UBE2V1: variants seen among roughly 807,000 people sequenced by gnomAD.
The protein encoded by UBE2V1 is ubiquitin-conjugating enzyme E2 variant 1.
Under a neutral mutation model 19.6 loss-of-function variants are expected in UBE2V1, and 15 were observed. The observed-to-expected ratio is 0.77, with a 90% CI of 0.51 to 1.18. UBE2V1 has a LOEUF of 1.18. UBE2V1 is among the 50% of genes most tolerant of loss of function. The pLI is 0.00. For synonymous variants in UBE2V1, 60 were observed against 60.7 expected, an observed-to-expected ratio of 0.99 and a Z score of 0.05; for missense variants, 125 against 184.8, an observed-to-expected ratio of 0.68 and a Z score of 1.88.
chr20:50,087,379 T>C (rs889848721), intron 2 of UBE2V1, among the ~76,000 whole-genome samples: 7 of 142,204 alleles, frequency 4.9e-5, no homozygotes, highest in East Asian at 2.0e-4. Flanking sequence ...CTGGGTGACA[T>C]TGCGACACTT....
chr20:50,111,019 T>G (rs1313419525), intron 1 of UBE2V1, among the ~76,000 whole-genome samples: 1 of 152,230 alleles, frequency 6.6e-6, no homozygotes, highest in Non-Finnish European at 1.5e-5. Context: ...AATTGTCTTA[T>G]TTACTCCTTA....
At chr20:50,113,163 T>G (rs1182928402), upstream of UBE2V1, 19 of 1,294,124 alleles carry the variant, frequency 1.5e-5, no homozygotes, top group Non-Finnish European at 1.2e-5. Flanking sequence ...CGGCCCCTTC[T>G]TCACCCCCCC....
chr20:50,086,146 C>T (rs2078900945), intron 2 of UBE2V1, among the ~76,000 whole-genome samples: 1 of 152,196 alleles, frequency 6.6e-6, no homozygotes, highest in African/African-American at 2.4e-5. Flanking sequence ...CTGACCCGGG[C>T]AGCCCTAACT....
chr20:50,100,129 A>T (rs543713853), intron 1 of UBE2V1, among the ~76,000 whole-genome samples: 2 of 151,468 alleles, frequency 1.3e-5, no homozygotes, highest in South Asian at 4.2e-4. Context: ...AATAATAAAT[A>T]AATTAGCTGG....
intron 2 of UBE2V1, among the ~76,000 whole-genome samples, chr20:50,092,993 C>G (rs569696269): frequency 1.6e-4 from 25 of 152,356 alleles, no homozygotes; most frequent in Admixed American, 2.6e-4. Context: ...CAAGGCCCCC[C>G]ACTCCAACTG....
At chr20:50,088,481 T>G (rs1022048381) in intron 2 of UBE2V1, among the ~76,000 whole-genome samples, 40 of 152,006 alleles carry the variant, frequency 2.6e-4, no homozygotes, top group African/African-American at 9.7e-4. Context: ...AAAATAAAAT[T>G]TGTTTTAAAA....
chr20:50,108,605 T>C (rs1366040152), intron 1 of UBE2V1, among the ~76,000 whole-genome samples: 1 of 152,210 alleles, frequency 6.6e-6, no homozygotes, highest in Non-Finnish European at 1.5e-5. Context: ...CAATGGGCTG[T>C]TGTGACAAGT....
chr20:50,113,782 C>A (rs1378204254), upstream of UBE2V1, among the ~76,000 whole-genome samples: 3 of 113,572 alleles, frequency 2.6e-5, no homozygotes, highest in Non-Finnish European at 5.1e-5. Context: ...TTCATTCATT[C>A]ATTCATTCAT....
intron 1 of UBE2V1, among the ~76,000 whole-genome samples, chr20:50,110,177 G>T (rs957374626): frequency 6.6e-6 from 1 of 152,230 alleles, no homozygotes; most frequent in Non-Finnish European, 1.5e-5. Flanking sequence ...TGAGTGAGAG[G>T]AAGGGCCTGG....
At chr20:50,092,095 G>C (rs1243193814) in intron 2 of UBE2V1, among the ~76,000 whole-genome samples, 1 of 151,688 alleles carries the variant, frequency 6.6e-6, no homozygotes, top group Non-Finnish European at 1.5e-5. Flanking sequence ...ACCAAGGTGG[G>C]CGGATCACCT....
intron 1 of UBE2V1, chr20:50,109,093 C>T: frequency 2.0e-6 from 2 of 985,448 alleles, no homozygotes; most frequent in Non-Finnish European, 2.4e-6. Flanking sequence ...GTGGATACTG[C>T]CCCTGGCTGG....
At chr20:50,113,166 A>AC (rs768389856), upstream of UBE2V1, 1,708 of 1,116,684 alleles carry the variant, frequency 1.5e-3, 4 homozygotes, top group African/African-American at 6.0e-3. Flanking sequence ...CCCCTTCTTC[A>AC]CCCCCCCCTT....
chr20:50,108,031 C>T (rs1241448695), intron 1 of UBE2V1, among the ~76,000 whole-genome samples: 2 of 152,278 alleles, frequency 1.3e-5, no homozygotes, highest in East Asian at 3.9e-4. Context: ...CACATGAAGT[C>T]AAGGCGGCAG....
intron 2 of UBE2V1, among the ~76,000 whole-genome samples, chr20:50,086,267 C>A (rs935958771): frequency 6.6e-6 from 1 of 152,134 alleles, no homozygotes; most frequent in Non-Finnish European, 1.5e-5. Context: ...GAAGTGTTCC[C>A]GATCCCCTCA....
intron 2 of UBE2V1, among the ~76,000 whole-genome samples, chr20:50,087,058 C>T (rs962867761): frequency 2.0e-5 from 3 of 151,960 alleles, no homozygotes; most frequent in African/African-American, 7.3e-5. Context: ...GCCTGGGCGA[C>T]AGTGCGAGAC....
At chr20:50,087,291 G>A (rs1016101426) in intron 2 of UBE2V1, among the ~76,000 whole-genome samples, 24 of 151,502 alleles carry the variant, frequency 1.6e-4, no homozygotes, top group Admixed American at 1.4e-3. Context: ...AGCTAACCGG[G>A]GGGCTGAGAC....
At chr20:50,091,248 T>C (rs889636582) in intron 2 of UBE2V1, among the ~76,000 whole-genome samples, 36 of 152,044 alleles carry the variant, frequency 2.4e-4, no homozygotes, top group African/African-American at 8.7e-4. Context: ...GGTTTCAACA[T>C]GTTGGCCAGG....
At chr20:50,085,987 C>T (rs745446217) in intron 2 of UBE2V1, among the ~76,000 whole-genome samples, 7 of 152,146 alleles carry the variant, frequency 4.6e-5, no homozygotes, top group Non-Finnish European at 1.0e-4. Context: ...CCTCCACCAC[C>T]GTCACCTCTT....
intron 2 of UBE2V1, among the ~76,000 whole-genome samples, chr20:50,091,718 T>C (rs2079241589): frequency 6.6e-6 from 1 of 152,080 alleles, no homozygotes; most frequent in African/African-American, 2.4e-5. Context: ...AAGAGATCAG[T>C]CAATATGCAC....
Sources: allele counts gnomAD v4.1 joint callset (sites outside exome capture counted in the v4.1 genomes callset), GRCh38; gene constraint gnomAD v4.1.1; transcripts MANE v1.5; gene names NCBI Gene and HGNC (gene_info 2026-07-23, HGNC 2026-07-21).